PPFIBP2: variants seen among roughly 807,000 people sequenced by gnomAD.
PPFIBP2 encodes PPFIB scaffold protein 2, also known as liprin-beta-2.
PPFIBP2 carries 118 observed loss-of-function variants against 118.3 expected under a neutral mutation model. The observed-to-expected ratio is 1.00, with a 90% CI of 0.86 to 1.16. PPFIBP2 has a LOEUF of 1.16. Among genes scored for constraint, PPFIBP2 ranks in the 50% most tolerant of loss-of-function variants. The probability of loss-of-function intolerance (pLI) is 0.00; values close to 1 mark genes in which losing one functional copy is unlikely to be tolerated. For synonymous variants in PPFIBP2, 414 were observed against 397.4 expected (o/e 1.04, Z -0.50); for missense variants, 1,195 against 1,073.1 (o/e 1.11, Z -1.59).
At chr11:7,520,040 G>A (rs80125553) in intron 1 of PPFIBP2, among the ~76,000 whole-genome samples, 15,237 of 152,096 alleles carry the variant, frequency 0.1, 865 homozygotes, top group Admixed American at 0.14. Context: ...ACACAGACCC[G>A]AGCCTCTCCC....
At chr11:7,577,475 GCTTGGAGTT>G in intron 3 of PPFIBP2, 1 of 437,904 alleles carries the variant, frequency 2.3e-6, no homozygotes, top group East Asian at 7.0e-5. Flanking sequence ...TTTGAACACA[GCTTGGAGTT>G]CTTGAGGGGG....
intron 22 of PPFIBP2, 37 bp from the exon 23 acceptor site, chr11:7,651,619 T>G: frequency 3.2e-6 from 5 of 1,559,178 alleles, no homozygotes; most frequent in Non-Finnish European, 4.4e-6. Flanking sequence ...CCATTTGTAT[T>G]TGCTCCTGGC....
Position 7,610,421 on chromosome 11 carries a change from A to G in PPFIBP2, c.617A>G (p.Glu206Gly). The G allele has an allele frequency of 1.9e-6, 3 of 1,613,442 alleles. No individual in the cohort carries two copies. Among genetic ancestry groups the G allele is most frequent in the Non-Finnish European group, 2.5e-6 (3 of 1,179,916 alleles). Reference sequence around the variant, plus strand: ...CAGGAGGAGAAGCAGAGAAAAGCAGAGGTAAGGGTGAGTGTGTACTGTCCT... The same window carrying G: ...CAGGAGGAGAAGCAGAGAAAAGCAGGGGTAAGGGTGAGTGTGTACTGTCCT... ...REQEEKQRKAEELLQELRHLK... is the reference protein window; with the variant it reads ...REQEEKQRKAGELLQELRHLK... The change falls in exon 6 of 24, where the codon GAG becomes GGG. Residue 206 changes from glutamate to glycine, a missense_variant and splice_region_variant. By Grantham distance (98) the Glu-to-Gly change is moderately conservative. Transcript: ENST00000299492.
At chr11:7,659,485 T>C (rs1229122798), downstream of PPFIBP2, among the ~76,000 whole-genome samples, 4 of 150,050 alleles carry the variant, frequency 2.7e-5, no homozygotes, top group Non-Finnish European at 5.9e-5. Context: ...GAGGGCTCTG[T>C]TGTTCTGTTC....
rs1201143112 is a variant in PPFIBP2 at position 7,645,038 on chromosome 11, A to G, written c.1646+2612A>G. Among the ~76,000 whole-genome samples, 12 of 124,200 alleles carry G rather than the reference A, an allele frequency of 9.7e-5. No individual in the cohort carries two copies. In the East Asian group the frequency reaches 2.4e-3, roughly 24 times the overall value. 81.5% of individuals were successfully genotyped at this position (124,200 alleles called of 152,430 possible). ...CAAGACTCCGTCTCAAAAAAAAAAA[A>G]AAAAAAAAAAAAAAAAAAAAAGGTA... On this transcript the variant is annotated intron_variant, in intron 17 of 23. Coordinates refer to ENST00000299492, the MANE Select transcript of PPFIBP2 (RefSeq NM_003621.5).
chr11:7,631,567 G>C (rs936492827), intron 11 of PPFIBP2, among the ~76,000 whole-genome samples: 4 of 152,014 alleles, frequency 2.6e-5, no homozygotes, highest in Non-Finnish European at 4.4e-5. Flanking sequence ...TGGTCCTATT[G>C]TATGAATCTC....
chr11:7,528,850 A>G (rs1258176402), intron 1 of PPFIBP2, among the ~76,000 whole-genome samples: 1 of 152,140 alleles, frequency 6.6e-6, no homozygotes, highest in Non-Finnish European at 1.5e-5. Context: ...TATATCTAGT[A>G]CAGTCAGCCA....
intron 16 of PPFIBP2, chr11:7,642,038 G>A (rs754760810): frequency 1.8e-4 from 80 of 441,058 alleles, no homozygotes; most frequent in Non-Finnish European, 2.8e-4. Context: ...GGCAGAAACT[G>A]GGGCCTCCTA....
intron 1 of PPFIBP2, among the ~76,000 whole-genome samples, chr11:7,526,603 G>A (rs1850250938): frequency 6.6e-6 from 1 of 152,148 alleles, no homozygotes; most frequent in South Asian, 2.1e-4. Flanking sequence ...CGGGTGCGGT[G>A]GCTCACGCCT....
chr11:7,531,494 G>A (rs1210758445), intron 1 of PPFIBP2, among the ~76,000 whole-genome samples: 1 of 152,172 alleles, frequency 6.6e-6, no homozygotes, highest in Non-Finnish European at 1.5e-5. Context: ...TACAGATAAA[G>A]GAATATTGGG....
chr11:7,665,936 G>A, the PPFIBP2 span: 1 of 1,535,722 alleles, frequency 6.5e-7, no homozygotes, highest in East Asian at 2.4e-5. Flanking sequence ...TGCCGACCAG[G>A]GACCTGTATG....
At chr11:7,588,397 T>C (rs1858604295) in intron 3 of PPFIBP2, among the ~76,000 whole-genome samples, 1 of 152,138 alleles carries the variant, frequency 6.6e-6, no homozygotes, top group African/African-American at 2.4e-5. Flanking sequence ...ATCCCAACCA[T>C]AGAATACCCT....
chr11:7,577,343 G>GTGTGTGTGTGTA (rs1856560371), intron 3 of PPFIBP2: 2 of 336,738 alleles, frequency 5.9e-6, no homozygotes, highest in Non-Finnish European at 1.2e-5. Flanking sequence ...GTGTGTGTGT[G>GTGTGTGTGTGTA]TGTGTGTGTT....
chr11:7,617,332 G>T (rs1848777240), intron 6 of PPFIBP2: 1 of 983,016 alleles, frequency 1.0e-6, no homozygotes, highest in Non-Finnish European at 1.2e-6. Flanking sequence ...GCATGCGTGT[G>T]TGGGGCATTT....
At chr11:7,665,391 T>C in the PPFIBP2 span, 12 of 1,579,884 alleles carry the variant, frequency 7.6e-6, no homozygotes, top group South Asian at 1.1e-4. Flanking sequence ...GTGAAAATCA[T>C]GTCCTGGGTA....
At chr11:7,555,087 T>C (rs7479626) in intron 2 of PPFIBP2, among the ~76,000 whole-genome samples, 45,760 of 151,904 alleles carry the variant, frequency 0.3, 7,739 homozygotes, top group African/African-American at 0.46. Context: ...CTGGATGGCC[T>C]AGAGCAACTG....
At chr11:7,657,099 G>A (rs1039953526), downstream of PPFIBP2, 2 of 257,792 alleles carry the variant, frequency 7.8e-6, no homozygotes, top group Non-Finnish European at 7.8e-6. Context: ...ACACAGACTC[G>A]ATGGCTCGTG....
chr11:7,522,903 A>G (rs1020064451), intron 1 of PPFIBP2, among the ~76,000 whole-genome samples: 4 of 152,192 alleles, frequency 2.6e-5, no homozygotes, highest in Admixed American at 2.6e-4. Context: ...TATCAATTCC[A>G]TGGGAAGTTG....
At chr11:7,552,071 A>G (rs72849055) in intron 2 of PPFIBP2, among the ~76,000 whole-genome samples, 22,413 of 152,214 alleles carry the variant, frequency 0.15, 1,989 homozygotes, top group African/African-American at 0.25. Context: ...TGGAACAGGT[A>G]TGAGAGTTTT....
Sources: gnomAD v4.1 joint callset for allele counts (sites outside exome capture counted in the v4.1 genomes callset) on GRCh38, gnomAD v4.1.1 for gene constraint, MANE v1.5 for transcripts, NCBI Gene and HGNC (gene_info 2026-07-23, HGNC 2026-07-21) for gene names.